SFT2D2: variants seen among roughly 807,000 people sequenced by gnomAD.
The protein encoded by SFT2D2 is vesicle transport protein SFT2B.
Under a neutral mutation model 27.4 loss-of-function variants are expected in SFT2D2, and 21 were observed. The observed-to-expected ratio is 0.77, with a 90% CI of 0.54 to 1.10. The LOEUF (loss-of-function observed/expected upper bound fraction) is 1.10. Ranked by LOEUF, SFT2D2 falls within the 50% of genes least tolerant of loss-of-function variation. The pLI is 0.00. For missense variants in SFT2D2, 187 were observed against 194.2 expected (o/e 0.96, Z 0.22); for synonymous variants, 72 against 71.7 (o/e 1.00, Z -0.02).
rs1451097305 is a variant in SFT2D2, at chr1:168,231,569, G to A, written c.119G>A (p.Cys40Tyr). 4.3e-6 allele frequency: 7 copies of A among 1,613,874 alleles called. No individual in the cohort carries two copies. The highest frequency in any genetic ancestry group is 1.1e-5 in the South Asian group (1 of 91,080). The change falls in exon 2 of 8, where the codon TGT (cysteine) becomes TAT (tyrosine). Residue 40 changes from cysteine to tyrosine, a missense_variant. Physicochemically the swap from Cys to Tyr is radical, Grantham distance 194 (BLOSUM62 -2). Transcript: ENST00000271375. ...ACCAGGATAAAAGGCTTCATTGCGT[G>A]TTTTGCTATAGGAATTCTCTGCTCA... ...WSTRIKGFIA[C>Y]FAIGILCSLL...
At chr1:168,238,248 TTTC>T (rs547175375) in intron 6 of SFT2D2, among the ~76,000 whole-genome samples, 94 of 152,346 alleles carry the variant, frequency 6.2e-4, no homozygotes, top group African/African-American at 1.9e-3. Flanking sequence ...GTAGCATTTT[TTTC>T]TTCTTCTTTT....
chr1:168,229,778 G>A (rs953800845), intron 1 of SFT2D2: 2 of 152,204 alleles, frequency 1.3e-5, no homozygotes, highest in African/African-American at 4.8e-5. Flanking sequence ...TGTCCTTGGC[G>A]AGAGCTTAAA....
chr1:168,242,287 C>T (rs1267838006), intron 7 of SFT2D2, among the ~76,000 whole-genome samples: 7 of 152,210 alleles, frequency 4.6e-5, no homozygotes, highest in African/African-American at 1.4e-4. Flanking sequence ...GGGACATCCC[C>T]TCTTACAGAT....
rs1004714828 is a variant in SFT2D2, at chr1:168,245,800, A to G, written c.*3260A>G. ...TTTCTTGCAATAACTGCTGCATCAAACTTGAACTTCGCAGGATTTTCTGAA... is the reference window on the plus strand; with the variant it reads ...TTTCTTGCAATAACTGCTGCATCAAGCTTGAACTTCGCAGGATTTTCTGAA... On this transcript the variant is annotated 3_prime_UTR_variant, in exon 8 of 8. Transcript: ENST00000271375. The G allele has an allele frequency of 3.3e-5, 5 of 152,734 alleles. No homozygotes were observed. Among genetic ancestry groups the G allele is most frequent in the African/African-American group, 1.2e-4 (5 of 41,414 alleles). The allele number at this position is 152,734 out of a possible 1,614,324, so 9.5% of individuals were successfully genotyped here.
chr1:168,237,143 G>A (rs1258536924), intron 6 of SFT2D2, among the ~76,000 whole-genome samples: 1 of 152,098 alleles, frequency 6.6e-6, no homozygotes, highest in East Asian at 1.9e-4. Context: ...TCCAATAGAG[G>A]TTAACAAAAA....
chr1:168,235,038 C>A, intron 3 of SFT2D2, 63 bp from the exon 4 acceptor site: 1 of 1,412,056 alleles, frequency 7.1e-7, no homozygotes, highest in South Asian at 1.2e-5. Context: ...CTTGGGGAGG[C>A]GACTCAGTGT....
chr1:168,227,100 A>C (rs573080286), intron 1 of SFT2D2, among the ~76,000 whole-genome samples: 13 of 152,296 alleles, frequency 8.5e-5, no homozygotes, highest in African/African-American at 1.4e-4. Flanking sequence ...GATTACAGGC[A>C]TGAGCCACCG....
chr1:168,232,046 A>C, intron 3 of SFT2D2, 127 bp downstream of exon 3: 1 of 704,782 alleles, frequency 1.4e-6, no homozygotes, highest in Non-Finnish European at 2.5e-6. Context: ...AGTAGTTAGA[A>C]TATCTCACAT....
At chr1:168,241,647 A>G (rs1336477098) in intron 7 of SFT2D2, among the ~76,000 whole-genome samples, 2 of 152,146 alleles carry the variant, frequency 1.3e-5, no homozygotes, top group African/African-American at 4.8e-5. Flanking sequence ...GGCTTGCTAG[A>G]TCCTTCCATA....
Position 168,234,392 on chromosome 1 carries a change from CA to C in SFT2D2, c.237-696del, listed in dbSNP as rs201792164. Reference sequence around the variant, plus strand: ...CTGGCGACAGAGTGAGACTCCATGTCAAAAAAAAAAAAACAAACAAAAAAAA... The same window carrying C: ...CTGGCGACAGAGTGAGACTCCATGTCAAAAAAAAAAAACAAACAAAAAAAA... On this transcript the variant is annotated intron_variant, in intron 3 of 7. Transcript: ENST00000271375. 2.1e-3 allele frequency among the ~76,000 whole-genome samples: 238 copies of C among 110,926 alleles called. 1 individual carries two copies. Among genetic ancestry groups the C allele is most frequent in the Admixed American group, 4.5e-3 (47 of 10,402 alleles). 72.8% of individuals were successfully genotyped at this position (110,926 alleles called of 152,430 possible). A position where few individuals can be genotyped will look rare whatever the true frequency, so the allele number is the denominator to read the frequency against.
Position 168,231,757 on chromosome 1 carries a change from G to A in SFT2D2, c.151-77G>A, listed in dbSNP as rs889035456. On this transcript the variant is annotated intron_variant, in intron 2 of 7. Coordinates refer to ENST00000271375, the MANE Select transcript of SFT2D2 (RefSeq NM_199344.3). ...GTGGGGAGGGAAACGGACTCCTCAG[G>A]GCTTCCTCTGGGAGCTCTGCTTGTG... is the stretch of plus-strand genomic sequence containing the variant. 2.0e-5 allele frequency: 30 copies of A among 1,496,892 alleles called. No individual in the cohort carries two copies. In the African/African-American group the frequency reaches 4.0e-4, roughly 20 times the overall value. 92.7% of individuals were successfully genotyped at this position (1,496,892 alleles called of 1,614,324 possible).
At position 168,247,233 on chromosome 1, in the gene SFT2D2, CT is replaced by C. The variant is rs1036101981; in HGVS notation, c.*4700del. On this transcript the variant is annotated 3_prime_UTR_variant, in exon 8 of 8. Transcript: ENST00000271375. ...TTTATATGAGATTCTGGAAATACTT[CT>C]TTTTTTAAATTATACTTTAAGTTCT... The C allele has an allele frequency of 3.7e-6, 1 of 267,010 alleles. No individual in the cohort carries two copies. The highest frequency in any genetic ancestry group is 7.3e-6 in the Non-Finnish European group (1 of 137,818). 16.5% of individuals were successfully genotyped at this position (267,010 alleles called of 1,614,324 possible).
At chr1:168,238,839 A>G (rs894762430) in intron 6 of SFT2D2, among the ~76,000 whole-genome samples, 1 of 152,196 alleles carries the variant, frequency 6.6e-6, no homozygotes, top group African/African-American at 2.4e-5. Flanking sequence ...TTGCTAGTTC[A>G]AGGTTATAGC....
chr1:168,235,122 A>G lies in SFT2D2; in HGVS notation c.258A>G (p.Pro86=). 6.2e-7 allele frequency: 1 copy of G among 1,614,232 alleles called. No individual in the cohort carries two copies. The highest frequency in any genetic ancestry group is 1.1e-5 in the South Asian group (1 of 91,092). ...TTAGTACCATCTTCCTCATGGGACC[A>G]GTGAAACAGCTGAAGCGAATGTTTG... The part of the protein sequence containing the change: ...SIGSTIFLMG[P]VKQLKRMFEP... The change falls in exon 4 of 8, where the codon CCA becomes CCG. Residue 86 remains proline, a synonymous_variant. Coordinates refer to ENST00000271375, the MANE Select transcript of SFT2D2 (RefSeq NM_199344.3).
At chr1:168,240,524 T>C (rs1229920877) in intron 7 of SFT2D2, among the ~76,000 whole-genome samples, 1 of 152,120 alleles carries the variant, frequency 6.6e-6, no homozygotes, top group Non-Finnish European at 1.5e-5. Context: ...TCCAATGAGA[T>C]ATTGATCAAC....
At position 168,245,284 on chromosome 1, in the gene SFT2D2, C is replaced by T. The variant is rs1185726799; in HGVS notation, c.*2744C>T. 6.6e-6 allele frequency: 1 copy of T among 152,092 alleles called. No individual in the cohort carries two copies. Among genetic ancestry groups the T allele is most frequent in the Non-Finnish European group, 1.5e-5 (1 of 68,024 alleles). The allele number at this position is 152,092 out of a possible 1,614,324, so 9.4% of individuals were successfully genotyped here. A position where few individuals can be genotyped will look rare whatever the true frequency, so the allele number is the denominator to read the frequency against. ...CAGCAGGATATATAATTGATATACA[C>T]AAATCAATTGTGTTTCTCCATGTTA... On this transcript the variant is annotated 3_prime_UTR_variant, in exon 8 of 8. Coordinates refer to ENST00000271375, the MANE Select transcript of SFT2D2 (RefSeq NM_199344.3).
Position 168,242,821 on chromosome 1 carries a change from C to G in SFT2D2, c.*281C>G. On this transcript the variant is annotated 3_prime_UTR_variant, in exon 8 of 8. Transcript: ENST00000271375. Reference sequence around the variant, plus strand: ...CTCTGGATGTTGTCCCACTGAATTCCCATGAATACAAACCTATTCAGCAAC... The same window carrying G: ...CTCTGGATGTTGTCCCACTGAATTCGCATGAATACAAACCTATTCAGCAAC... 2.2e-6 allele frequency: 1 copy of G among 446,896 alleles called. No individual in the cohort carries two copies. Among genetic ancestry groups the G allele is most frequent in the South Asian group, 2.3e-5 (1 of 43,966 alleles). The allele number at this position is 446,896 out of a possible 1,614,324, so 27.7% of individuals were successfully genotyped here.
rs1225666873 is a variant in SFT2D2 at position 168,251,919 on chromosome 1, C to A, written c.*9379C>A. On this transcript the variant is annotated 3_prime_UTR_variant, in exon 8 of 8. Transcript: ENST00000271375. ...TGGGAGGTAAAATTGTGTGACTTTA[C>A]CTTCTGGTTAATAGTTTTATAGTTA... The A allele has an allele frequency of 6.6e-6, 1 of 152,042 alleles. No individual in the cohort carries two copies. Among genetic ancestry groups the A allele is most frequent in the Non-Finnish European group, 1.5e-5 (1 of 67,996 alleles). 9.4% of individuals were successfully genotyped at this position (152,042 alleles called of 1,614,324 possible). A position where few individuals can be genotyped will look rare whatever the true frequency, so the allele number is the denominator to read the frequency against.
chr1:168,233,084 A>G (rs145840272), intron 3 of SFT2D2, among the ~76,000 whole-genome samples: 1 of 152,162 alleles, frequency 6.6e-6, no homozygotes, highest in Non-Finnish European at 1.5e-5. Flanking sequence ...CAGCACGCAT[A>G]CAGTCAAGCG....
Sources: allele counts gnomAD v4.1 joint callset (sites outside exome capture counted in the v4.1 genomes callset), GRCh38; gene constraint gnomAD v4.1.1; transcripts MANE v1.5; gene names NCBI Gene and HGNC (gene_info 2026-07-23, HGNC 2026-07-21).